DENND1A: variants seen among roughly 807,000 people sequenced by gnomAD.
DENND1A encodes the protein DENN domain-containing protein 1A.
Under a neutral mutation model 113.7 loss-of-function variants are expected in DENND1A, and 51 were observed. The observed-to-expected ratio is 0.45, with a 90% confidence interval of 0.36 to 0.57. The LOEUF is 0.57. DENND1A is among the 20% of genes least tolerant of loss of function. The pLI is 0.00. For missense variants in DENND1A, 1,258 were observed against 1,395.9 expected (o/e 0.90, Z 1.57); for synonymous variants, 565 against 570.8 (o/e 0.99, Z 0.14).
chr9:123,866,382 T>C lies in DENND1A; in HGVS notation c.88+12569A>G, dbSNP rs564703930. Among the ~76,000 whole-genome samples the C allele has an allele frequency of 8.5e-5, 13 of 152,360 alleles. No homozygotes were observed. In the South Asian group the frequency reaches 2.7e-3, roughly 32 times the overall value. On this transcript the variant is annotated intron_variant, in intron 2 of 23. Coordinates refer to ENST00000394215, the MANE Select transcript of DENND1A (RefSeq NM_001352964.2). ...AAAAATATATAGGTTGAATTATTCA[T>C]GTGCCCAAAGTGTGTTTTTCTGGGA...
intron 5 of DENND1A, among the ~76,000 whole-genome samples, chr9:123,750,587 C>T (rs1387363335): frequency 6.6e-6 from 1 of 152,186 alleles, no homozygotes; most frequent in African/African-American, 2.4e-5. Context: ...GGGCCTTCTG[C>T]CAACTGACCA....
chr9:123,486,412 G>A (rs914016263), intron 13 of DENND1A, among the ~76,000 whole-genome samples: 1 of 151,932 alleles, frequency 6.6e-6, no homozygotes, highest in African/African-American at 2.4e-5. Flanking sequence ...GGGCTCTGCC[G>A]CCAGCCCCAG....
chr9:123,605,937 A>G (rs571748695), intron 11 of DENND1A, among the ~76,000 whole-genome samples: 1 of 152,344 alleles, frequency 6.6e-6, no homozygotes, highest in East Asian at 1.9e-4. Flanking sequence ...AGCTTTCAAG[A>G]AAAAATAACA....
At chr9:123,733,054 TCACC>T in intron 5 of DENND1A, among the ~76,000 whole-genome samples, 1 of 152,200 alleles carries the variant, frequency 6.6e-6, no homozygotes, top group Non-Finnish European at 1.5e-5. Flanking sequence ...CGATCTCGGC[TCACC>T]GCAACCTCTG....
At chr9:123,602,727 C>T (rs1291149430) in intron 11 of DENND1A, among the ~76,000 whole-genome samples, 1 of 152,218 alleles carries the variant, frequency 6.6e-6, no homozygotes, top group Non-Finnish European at 1.5e-5. Flanking sequence ...TGCGGTGGCA[C>T]AATTATGGCT....
At chr9:123,863,725 C>T (rs1415974325) in intron 2 of DENND1A, among the ~76,000 whole-genome samples, 1 of 152,108 alleles carries the variant, frequency 6.6e-6, no homozygotes, top group East Asian at 1.9e-4. Context: ...TAACTTTTGG[C>T]ACATTGCATA....
intron 12 of DENND1A, among the ~76,000 whole-genome samples, chr9:123,567,914 A>G (rs2058141698): frequency 6.6e-6 from 1 of 152,226 alleles, no homozygotes; most frequent in Non-Finnish European, 1.5e-5. Context: ...CAAAACTCTA[A>G]GAAAACAGTA....
At chr9:123,492,476 G>A (rs1293616574) in intron 13 of DENND1A, among the ~76,000 whole-genome samples, 1 of 152,174 alleles carries the variant, frequency 6.6e-6, no homozygotes, top group Admixed American at 6.5e-5. Context: ...GATGGGAGGA[G>A]AATGTGAAGG....
rs1588171553 is a variant in DENND1A at position 123,904,916 on chromosome 9, A to G, written c.17+24973T>C. Among the ~76,000 whole-genome samples, 2 of 152,210 alleles carry G rather than the reference A, an allele frequency of 1.3e-5. 1 individual carries two copies. The highest frequency in any genetic ancestry group is 4.1e-4 in the South Asian group (2 of 4,836). On this transcript the variant is annotated intron_variant, in intron 1 of 23. Coordinates refer to ENST00000394215, the MANE Select transcript of DENND1A (RefSeq NM_001352964.2). ...AAGACACATAATTGTCAGATTCACCAAAGTTGAAATGATGGAAAAAATGTT... is the reference window on the plus strand; with the variant it reads ...AAGACACATAATTGTCAGATTCACCGAAGTTGAAATGATGGAAAAAATGTT...
At chr9:123,825,583 G>C (rs1029366461) in intron 2 of DENND1A, among the ~76,000 whole-genome samples, 12 of 152,362 alleles carry the variant, frequency 7.9e-5, no homozygotes, top group Admixed American at 7.2e-4. Context: ...ACAGCTGCCT[G>C]GCTTGCAGTG....
At chr9:123,773,711 G>C (rs146616807) in intron 3 of DENND1A, among the ~76,000 whole-genome samples, 1 of 152,050 alleles carries the variant, frequency 6.6e-6, no homozygotes, top group Non-Finnish European at 1.5e-5. Flanking sequence ...GCTTTATTTG[G>C]CAGATGAAAA....
At chr9:123,443,355 C>T (rs538427006) in intron 18 of DENND1A, among the ~76,000 whole-genome samples, 5 of 152,320 alleles carry the variant, frequency 3.3e-5, no homozygotes, top group Non-Finnish European at 2.9e-5. Flanking sequence ...ACTGTAAGTT[C>T]GTTGGGGTCT....
chr9:123,705,903 T>C (rs888283577), intron 5 of DENND1A, among the ~76,000 whole-genome samples: 19 of 152,262 alleles, frequency 1.2e-4, no homozygotes, highest in African/African-American at 4.6e-4. Context: ...AAGACCATAG[T>C]AATTGACACA....
At chr9:123,793,274 G>A (rs1047915624) in intron 2 of DENND1A, among the ~76,000 whole-genome samples, 3 of 152,056 alleles carry the variant, frequency 2.0e-5, no homozygotes, top group Non-Finnish European at 4.4e-5. Flanking sequence ...CAAATACATG[G>A]CAGAAAATAC....
chr9:123,879,049 G>A (rs1847937400), intron 1 of DENND1A, 28 bp from the exon 2 acceptor site: 1 of 1,609,644 alleles, frequency 6.2e-7, no homozygotes, highest in Non-Finnish European at 8.5e-7. Flanking sequence ...CATGATTACT[G>A]ACAAAGATTG....
intron 2 of DENND1A, among the ~76,000 whole-genome samples, chr9:123,822,119 T>C (rs1838576527): frequency 6.6e-6 from 1 of 152,274 alleles, no homozygotes; most frequent in Non-Finnish European, 1.5e-5. Context: ...TGGCTTTCTA[T>C]GTCCCCATAT....
chr9:123,690,201 C>T (rs937443824), intron 5 of DENND1A, among the ~76,000 whole-genome samples: 1 of 151,284 alleles, frequency 6.6e-6, no homozygotes, highest in African/African-American at 2.4e-5. Flanking sequence ...CACTATGTGT[C>T]ACATGCCATC....
intron 2 of DENND1A, chr9:123,798,617 A>T (rs1834120870): frequency 6.6e-6 from 1 of 151,886 alleles, no homozygotes; most frequent in South Asian, 2.1e-4. Flanking sequence ...AAGGAATATA[A>T]GTCTGATCCT....
intron 2 of DENND1A, among the ~76,000 whole-genome samples, chr9:123,863,687 G>A (rs1233062612): frequency 6.6e-6 from 1 of 151,888 alleles, no homozygotes; most frequent in Non-Finnish European, 1.5e-5. Flanking sequence ...TTCGCAAACT[G>A]TTGAAAGAGG....
Sources: allele counts gnomAD v4.1 joint callset (sites outside exome capture counted in the v4.1 genomes callset), GRCh38; gene constraint gnomAD v4.1.1; transcripts MANE v1.5; gene names NCBI Gene and HGNC (gene_info 2026-07-23, HGNC 2026-07-21).